The following SMOX variants were observed in gnomAD, a reference collection of about 807,000 sequenced individuals.
SMOX encodes the protein flavin containing amine oxidase.
In SMOX, 22 loss-of-function variants were observed where a neutral mutation model predicts 51.0. The observed-to-expected ratio is 0.43, with a 90% CI of 0.31 to 0.62. SMOX has a LOEUF of 0.62. SMOX is among the 20% of genes least tolerant of loss of function. The probability of loss-of-function intolerance (pLI) is 0.10; values close to 1 mark genes in which losing one functional copy is unlikely to be tolerated. For missense variants in SMOX, 566 were observed against 777.7 expected (o/e 0.73, Z 3.24); for synonymous variants, 282 against 307.8 (o/e 0.92, Z 0.88).
chr20:4,154,960 G>A (rs1456309596), intron 1 of SMOX, among the ~76,000 whole-genome samples: 1 of 152,062 alleles, frequency 6.6e-6, no homozygotes, highest in Non-Finnish European at 1.5e-5. Context: ...GGGCCTCTGG[G>A]TGCTTGGGTC....
intron 2 of SMOX, 24 bp downstream of exon 2, chr20:4,175,287 A>G (rs551057903): frequency 2.5e-6 from 4 of 1,609,408 alleles, no homozygotes; most frequent in East Asian, 2.2e-5. Context: ...AGTCCAGCCC[A>G]GCCACCTCCC....
rs1196782215 is a variant in SMOX, at chr20:4,149,261, C to T, written c.-27+284C>T. Among the ~76,000 whole-genome samples, 3 of 149,952 alleles carry T rather than the reference C, an allele frequency of 2.0e-5. No individual in the cohort carries two copies. The highest frequency in any genetic ancestry group is 2.1e-4 in the South Asian group (1 of 4,792). On this transcript the variant is annotated intron_variant, in intron 1 of 6. Coordinates refer to ENST00000305958, the MANE Select transcript of SMOX (RefSeq NM_175839.3). This position sits in a 1 kb window ranked among gnomAD's most constrained non-coding sequence, Gnocchi z 6.0. Reference sequence around the variant, plus strand: ...CGGCGATCCCGGCGCCAGGGCTGCTCGGCCCGGGCCGGGCGCCGGGGGTAG... The same window carrying T: ...CGGCGATCCCGGCGCCAGGGCTGCTTGGCCCGGGCCGGGCGCCGGGGGTAG...
At chr20:4,158,108 G>C (rs574869892) in intron 1 of SMOX, among the ~76,000 whole-genome samples, 47 of 150,306 alleles carry the variant, frequency 3.1e-4, no homozygotes, top group African/African-American at 1.0e-3. Context: ...CACCTTGTTA[G>C]CCAGGATGGT....
Position 4,181,092 on chromosome 20 carries a change from A to G in SMOX, c.436-711A>G, listed in dbSNP as rs556053011. The stretch of plus-strand genomic sequence containing the variant: ...AGTCAGACCCCTTTTCAAGTGACTG[A>G]TCGTCGTTATCTGTTGATGAGGTGT... On this transcript the variant is annotated intron_variant, in intron 3 of 6. Coordinates refer to ENST00000305958, the MANE Select transcript of SMOX (RefSeq NM_175839.3). The surrounding 1 kb of genome is among the most constrained non-coding windows in gnomAD (Gnocchi z 5.6). 4.6e-5 allele frequency among the ~76,000 whole-genome samples: 7 copies of G among 152,280 alleles called. No individual in the cohort carries two copies. The highest frequency in any genetic ancestry group is 1.7e-4 in the African/African-American group (7 of 41,560).
intron 6 of SMOX, among the ~76,000 whole-genome samples, chr20:4,185,403 T>C (rs138113409): frequency 6.6e-6 from 1 of 152,278 alleles, no homozygotes; most frequent in Admixed American, 6.5e-5. Context: ...TAGTTAGAAA[T>C]GCAGATTCTC....
At position 4,161,799 on chromosome 20, in the gene SMOX, A is replaced by G. The variant is rs559751524; in HGVS notation, c.-27+12822A>G. On this transcript the variant is annotated intron_variant, in intron 1 of 6. Transcript: ENST00000305958. The stretch of plus-strand genomic sequence containing the variant: ...CCCAGTGCCTCGGACAGTGCCTGGC[A>G]CAGGTAGCCCTCCAGAAACCTTTTT... Among the ~76,000 whole-genome samples the G allele has an allele frequency of 7.2e-5, 11 of 152,310 alleles. No homozygotes were observed. In the South Asian group the frequency reaches 2.3e-3, roughly 32 times the overall value.
intron 3 of SMOX, among the ~76,000 whole-genome samples, chr20:4,179,419 C>T (rs187956103): frequency 1.3e-3 from 204 of 152,134 alleles, no homozygotes; most frequent in Middle Eastern, 3.4e-3. Flanking sequence ...TGTTTTGAGT[C>T]AAAAGGATAA....
At chr20:4,164,821 T>C (rs1400652111) in intron 1 of SMOX, among the ~76,000 whole-genome samples, 2 of 152,136 alleles carry the variant, frequency 1.3e-5, no homozygotes, top group Non-Finnish European at 2.9e-5. Flanking sequence ...CCCCTGCCAG[T>C]GGCCTGGTCT....
At chr20:4,150,876 G>A (rs1985716622) in intron 1 of SMOX, among the ~76,000 whole-genome samples, 1 of 136,836 alleles carries the variant, frequency 7.3e-6, no homozygotes, top group Non-Finnish European at 1.5e-5. Flanking sequence ...TTTTCGCCCA[G>A]GCTGGAGTGC....
rs1179876191 is a variant in SMOX, at chr20:4,175,242, C to T, written c.187C>T (p.Arg63Cys). 6 of 1,613,982 alleles carry T rather than the reference C, an allele frequency of 3.7e-6. No homozygotes were observed. Among genetic ancestry groups the T allele is most frequent in the Admixed American group, 1.7e-5 (1 of 60,004 alleles). Residue 63 changes from arginine (R) to cysteine (C), a missense_variant, in exon 2 of 7, where the codon CGT becomes TGT. Physicochemically the swap from Arg to Cys is radical, Grantham distance 180. Transcript: ENST00000305958. ...TGAGGCTTCCAGCCACATCGGAGGC[C>T]GTGTGCAGAGTGTGAAACTTGGTAA... Reference protein sequence around the residue: ...VLEASSHIGGRVQSVKLGHAT... With the variant: ...VLEASSHIGGCVQSVKLGHAT...
Position 4,182,915 on chromosome 20 carries a change from G to T in SMOX, c.1369+67G>T. ...CTTCCTCACCTGCCCTCCTCTGGTG[G>T]ACCCATGGCAGCTCTCTCCTCCCCA... On this transcript the variant is annotated intron_variant, in intron 5 of 6. Transcript: ENST00000305958. This position sits in a 1 kb window ranked among gnomAD's most constrained non-coding sequence, Gnocchi z 8.4. The T allele has an allele frequency of 6.6e-7, 1 of 1,524,798 alleles. No homozygotes were observed. The highest frequency in any genetic ancestry group is 8.8e-7 in the Non-Finnish European group (1 of 1,140,134). 94.5% of individuals were successfully genotyped at this position (1,524,798 alleles called of 1,614,324 possible).
In SMOX at chr20:4,172,323, C is replaced by G. The variant is rs1978460603; in HGVS notation, c.-26-2707C>G. On this transcript the variant is annotated intron_variant, in intron 1 of 6. Transcript: ENST00000305958. This position sits in a 1 kb window ranked among gnomAD's most constrained non-coding sequence, Gnocchi z 7.7. ...CCGGAGCACGCCGCGTGTTTACCGA[C>G]CTGACGCAGCGTCCCGGCCCGGCTG... is the stretch of plus-strand genomic sequence containing the variant. 6.6e-6 allele frequency among the ~76,000 whole-genome samples: 1 copy of G among 152,228 alleles called. No homozygotes were observed.
chr20:4,173,901 G>A (rs1046682562), intron 1 of SMOX, among the ~76,000 whole-genome samples: 1 of 152,252 alleles, frequency 6.6e-6, no homozygotes, highest in Non-Finnish European at 1.5e-5. Flanking sequence ...CCTAGCCCTG[G>A]GGCCAGATTT....
intron 2 of SMOX, chr20:4,176,067 CTGGAGTGCAG>C (rs924055188): frequency 2.1e-5 from 3 of 144,166 alleles, no homozygotes; most frequent in African/African-American, 7.8e-5. Context: ...GTCACCCAGG[CTGGAGTGCAG>C]TGGCATGATC....
chr20:4,182,977 C>T lies in SMOX; in HGVS notation c.1369+129C>T. ...TCGGATGCTGTGCCCCACGGGAGAG[C>T]CACTGCAGGGTGCCACATTCAGCCA... On this transcript the variant is annotated intron_variant, in intron 5 of 6. Coordinates refer to ENST00000305958, the MANE Select transcript of SMOX (RefSeq NM_175839.3). The surrounding 1 kb of genome is among the most constrained non-coding windows in gnomAD (Gnocchi z 8.4). The T allele has an allele frequency of 3.8e-6, 5 of 1,323,904 alleles. No individual in the cohort carries two copies. Among genetic ancestry groups the T allele is most frequent in the Non-Finnish European group, 4.0e-6 (4 of 991,388 alleles). The allele number at this position is 1,323,904 out of a possible 1,614,324, so 82.0% of individuals were successfully genotyped here.
chr20:4,185,521 A>C (rs976334999), intron 6 of SMOX, among the ~76,000 whole-genome samples: 2 of 112,648 alleles, frequency 1.8e-5, no homozygotes, highest in African/African-American at 7.7e-5. Flanking sequence ...AGGCATGAGA[A>C]TTGCTTGAAG....
At chr20:4,171,944 G>A (rs1380709564) in intron 1 of SMOX, 1 of 152,384 alleles carries the variant, frequency 6.6e-6, no homozygotes, top group African/African-American at 2.4e-5. Flanking sequence ...TGGGAGCAGG[G>A]AAGGCAGGTA....
chr20:4,155,711 A>G (rs2122379701), intron 1 of SMOX, among the ~76,000 whole-genome samples: 1 of 152,254 alleles, frequency 6.6e-6, no homozygotes, highest in East Asian at 1.9e-4. Context: ...GGGGTCTCCC[A>G]AGGCCCCTTG....
rs543640570 is a variant in SMOX, at chr20:4,170,693, T to C, written c.-26-4337T>C. The stretch of plus-strand genomic sequence containing the variant: ...TCTGAGTCTTTATTCTATTCATCCG[T>C]CTTTGGCAACCCTGCCACAGGACGG... On this transcript the variant is annotated intron_variant, in intron 1 of 6. Coordinates refer to ENST00000305958, the MANE Select transcript of SMOX (RefSeq NM_175839.3). The surrounding 1 kb of genome is among the most constrained non-coding windows in gnomAD (Gnocchi z 4.6). Among the ~76,000 whole-genome samples, 1 of 152,270 alleles carries C rather than the reference T, an allele frequency of 6.6e-6. No homozygotes were observed. Among genetic ancestry groups the C allele is most frequent in the South Asian group, 2.1e-4 (1 of 4,818 alleles).
Sources: allele counts gnomAD v4.1 joint callset (sites outside exome capture counted in the v4.1 genomes callset), GRCh38; gene constraint gnomAD v4.1.1; non-coding constraint Gnocchi (gnomAD v3.1); transcripts MANE v1.5; gene names NCBI Gene and HGNC (gene_info 2026-07-23, HGNC 2026-07-21).